Variants in HCRTR2 observed in about 807,000 individuals in gnomAD.
HCRTR2 encodes orexin receptor type 2.
In HCRTR2, 22 loss-of-function variants were observed where a neutral mutation model predicts 49.0. The ratio of observed to expected loss-of-function variants is 0.45; its 90% confidence interval spans 0.32 to 0.64. HCRTR2 has a LOEUF of 0.64. HCRTR2 is among the 30% of genes least tolerant of loss of function. HCRTR2 has a pLI of 0.04. For missense variants in HCRTR2, 491 were observed against 559.4 expected, an observed-to-expected ratio of 0.88 and a Z score of 1.23; for synonymous variants, 236 against 205.3, an observed-to-expected ratio of 1.15 and a Z score of -1.28.
At chr6:55,157,033 T>G (rs959683359) in intron 1 of HCRTR2, among the ~76,000 whole-genome samples, 2 of 152,108 alleles carry the variant, frequency 1.3e-5, no homozygotes, top group African/African-American at 4.8e-5. Context: ...ATAGTTCTAG[T>G]CAATTAATCA....
At chr6:55,132,720 A>C (rs1764375574) in intron 1 of HCRTR2, among the ~76,000 whole-genome samples, 1 of 148,592 alleles carries the variant, frequency 6.7e-6, no homozygotes, top group African/African-American at 2.5e-5. Flanking sequence ...ACTCAGACCA[A>C]CTCCATTTAT....
chr6:55,186,146 A>AT (rs1358351874), intron 1 of HCRTR2, among the ~76,000 whole-genome samples: 2 of 152,062 alleles, frequency 1.3e-5, no homozygotes, highest in South Asian at 2.1e-4. Context: ...GAATAGTTTC[A>AT]TTTTTTTTCC....
Position 55,282,290 on chromosome 6 carries a change from G to A in HCRTR2, c.1171G>A (p.Glu391Lys), listed in dbSNP as rs753503886. Residue 391 changes from glutamate to lysine, a missense_variant, in exon 7 of 7, where the codon GAG becomes AAG. Physicochemically the swap from Glu to Lys is moderately conservative, Grantham distance 56. Coordinates refer to ENST00000370862, the MANE Select transcript of HCRTR2 (RefSeq NM_001384272.1). ...TTGCCTTGGAGTTCACCATCGCCAG[G>A]AGGATCGGCTCACCAGGGGACGAAC... Reference protein sequence around the residue: ...CCCLGVHHRQEDRLTRGRTST... With the variant: ...CCCLGVHHRQKDRLTRGRTST... The A allele has an allele frequency of 1.2e-6, 2 of 1,613,876 alleles. No individual in the cohort carries two copies. The highest frequency in any genetic ancestry group is 1.7e-6 in the Non-Finnish European group (2 of 1,179,932).
intron 1 of HCRTR2, among the ~76,000 whole-genome samples, chr6:55,112,104 T>C (rs1764056138): frequency 6.6e-6 from 1 of 151,932 alleles, no homozygotes; most frequent in African/African-American, 2.4e-5. Context: ...CCCTTTATGA[T>C]TAAAACCCTC....
chr6:55,156,866 G>A (rs1373297192), intron 1 of HCRTR2, among the ~76,000 whole-genome samples: 1 of 151,846 alleles, frequency 6.6e-6, no homozygotes, highest in Non-Finnish European at 1.5e-5. Context: ...CCACAGACTA[G>A]GAATAGAAGG....
intron 1 of HCRTR2, among the ~76,000 whole-genome samples, chr6:55,143,001 TAGATAGAC>T (rs768197799): frequency 1.6e-3 from 212 of 135,600 alleles, no homozygotes; most frequent in Non-Finnish European, 2.5e-3. Flanking sequence ...GATAGATAGA[TAGATAGAC>T]AGACAGACAG....
intron 1 of HCRTR2, among the ~76,000 whole-genome samples, chr6:55,163,229 T>C (rs577015960): frequency 6.7e-6 from 1 of 149,626 alleles, no homozygotes; most frequent in South Asian, 2.1e-4. Context: ...AGAGCAAGAC[T>C]CCGTCTCAAA....
rs554356850 is a variant in HCRTR2, at chr6:55,276,984, C to G, written c.763-396C>G. Among the ~76,000 whole-genome samples the G allele has an allele frequency of 3.9e-5, 6 of 152,262 alleles. No individual in the cohort carries two copies. The South Asian group carries it at 1.2e-3, about 32-fold the overall frequency. On this transcript the variant is annotated intron_variant, in intron 4 of 6. Coordinates refer to ENST00000370862, the MANE Select transcript of HCRTR2 (RefSeq NM_001384272.1). ...GAAAAATCCATAACAGGTTGCTTGA[C>G]GTTACTTGCTGGGTTTTCCTCTGCT...
chr6:55,257,125 A>C (rs1295904877), intron 3 of HCRTR2, among the ~76,000 whole-genome samples: 1 of 152,124 alleles, frequency 6.6e-6, no homozygotes, highest in Non-Finnish European at 1.5e-5. Flanking sequence ...AGAGTGAATC[A>C]GCACTTGTAG....
chr6:55,175,623 T>C (rs1765026570), intron 1 of HCRTR2, among the ~76,000 whole-genome samples: 1 of 152,118 alleles, frequency 6.6e-6, no homozygotes, highest in South Asian at 2.1e-4. Flanking sequence ...AGCTTAATGC[T>C]AGGCTATTTG....
At chr6:55,232,407 T>C (rs933562903) in intron 1 of HCRTR2, among the ~76,000 whole-genome samples, 1 of 152,184 alleles carries the variant, frequency 6.6e-6, no homozygotes, top group South Asian at 2.1e-4. Context: ...AAGTGGACAT[T>C]CTTTTTTGTT....
At chr6:55,143,581 C>T (rs1395998308) in intron 1 of HCRTR2, among the ~76,000 whole-genome samples, 2 of 152,146 alleles carry the variant, frequency 1.3e-5, no homozygotes, top group African/African-American at 4.8e-5. Context: ...CTTGCAGGAT[C>T]GCAGCCAAGC....
intron 1 of HCRTR2, among the ~76,000 whole-genome samples, chr6:55,166,539 C>T (rs1201807449): frequency 1.3e-5 from 2 of 151,992 alleles, no homozygotes. Flanking sequence ...TTATAATTTA[C>T]AAAGTGGAAA....
At chr6:55,145,439 C>CT (rs1435061849) in intron 1 of HCRTR2, among the ~76,000 whole-genome samples, 2 of 129,760 alleles carry the variant, frequency 1.5e-5, no homozygotes, top group Non-Finnish European at 3.2e-5. Context: ...GAGACGGATT[C>CT]TTGCTCAGTC....
At chr6:55,197,830 C>T (rs1470278372) in intron 1 of HCRTR2, among the ~76,000 whole-genome samples, 3 of 152,078 alleles carry the variant, frequency 2.0e-5, no homozygotes, top group Non-Finnish European at 2.9e-5. Context: ...ACCCTGTTAG[C>T]AAGGATGGTC....
At chr6:55,131,852 GA>G (rs893318883) in intron 1 of HCRTR2, among the ~76,000 whole-genome samples, 1 of 151,746 alleles carries the variant, frequency 6.6e-6, no homozygotes, top group African/African-American at 2.4e-5. Flanking sequence ...TGGTGCTGAG[GA>G]AAATAAGAAA....
chr6:55,125,079 G>A (rs1306503867), intron 1 of HCRTR2, among the ~76,000 whole-genome samples: 1 of 152,002 alleles, frequency 6.6e-6, no homozygotes, highest in East Asian at 1.9e-4. Flanking sequence ...TTGCCAGCCT[G>A]TGTCTTTTAA....
chr6:55,223,185 A>G (rs1163451773), intron 1 of HCRTR2, among the ~76,000 whole-genome samples: 1 of 152,100 alleles, frequency 6.6e-6, no homozygotes, highest in Non-Finnish European at 1.5e-5. Flanking sequence ...TCCTAAAATT[A>G]TTGGCACCAT....
intron 1 of HCRTR2, among the ~76,000 whole-genome samples, chr6:55,178,891 GT>G (rs1320245085): frequency 1.3e-5 from 2 of 152,138 alleles, no homozygotes; most frequent in Admixed American, 6.5e-5. Context: ...GAGTTTTTGA[GT>G]TGTTAATAGG....
Sources: allele counts gnomAD v4.1 joint callset (sites outside exome capture counted in the v4.1 genomes callset), GRCh38; gene constraint gnomAD v4.1.1; transcripts MANE v1.5; gene names NCBI Gene and HGNC (gene_info 2026-07-23, HGNC 2026-07-21).